The following PPME1 variants were observed in gnomAD, a reference collection of about 807,000 sequenced individuals.
PPME1 encodes the protein testicular secretory protein Li 39.
In PPME1, 17 loss-of-function variants were observed where a neutral mutation model predicts 56.9. The observed-to-expected ratio is 0.30, with a 90% CI of 0.20 to 0.45. The LOEUF (loss-of-function observed/expected upper bound fraction) is 0.45. PPME1 is among the 20% of genes least tolerant of loss of function. PPME1 has a pLI of 1.00. For synonymous variants in PPME1, 122 were observed against 156.2 expected, an observed-to-expected ratio of 0.78 and a Z score of 1.63; for missense variants, 357 against 483.2, an observed-to-expected ratio of 0.74 and a Z score of 2.45.
chr11:74,192,549 T>C (rs1466485152), intron 1 of PPME1, among the ~76,000 whole-genome samples: 2 of 152,114 alleles, frequency 1.3e-5, no homozygotes, highest in Non-Finnish European at 2.9e-5. Context: ...CAGAATGATA[T>C]GGTTTGGATG....
chr11:74,182,711 A>G (rs1312879695), intron 1 of PPME1, among the ~76,000 whole-genome samples: 1 of 152,154 alleles, frequency 6.6e-6, no homozygotes, highest in African/African-American at 2.4e-5. Context: ...GAACACCAAA[A>G]CCAGAATCAA....
At chr11:74,244,031 A>G (rs1271254078) in intron 9 of PPME1, among the ~76,000 whole-genome samples, 1 of 152,128 alleles carries the variant, frequency 6.6e-6, no homozygotes, top group Admixed American at 6.5e-5. Flanking sequence ...CATATATTAT[A>G]TGTCTTTTTG....
intron 8 of PPME1, among the ~76,000 whole-genome samples, chr11:74,237,275 C>CTTTTTTTGTTTTTTTTTTTTTT (rs1859215254): frequency 7.8e-6 from 1 of 128,032 alleles, no homozygotes; most frequent in African/African-American, 3.2e-5. Flanking sequence ...GTCTGGTTGT[C>CTTTTTTTGTTTTTTTTTTTTTT]TTTTTTTTTT....
At chr11:74,200,355 T>TC (rs1858121426) in intron 1 of PPME1, among the ~76,000 whole-genome samples, 2 of 120,062 alleles carry the variant, frequency 1.7e-5, no homozygotes, top group East Asian at 4.7e-4. Context: ...CAGTCATGTG[T>TC]TTTGTGTGTG....
intron 8 of PPME1, 45 bp from the exon 9 acceptor site, chr11:74,239,088 G>A: frequency 1.9e-6 from 3 of 1,559,494 alleles, no homozygotes; most frequent in East Asian, 2.2e-5. Flanking sequence ...GATAATTTGT[G>A]TATTGGAAAG....
intron 9 of PPME1, among the ~76,000 whole-genome samples, chr11:74,242,646 C>T (rs1190094401): frequency 6.6e-6 from 1 of 151,682 alleles, no homozygotes; most frequent in Admixed American, 6.6e-5. Context: ...TTTGGGAGGC[C>T]GAGGTGGGTG....
chr11:74,200,039 GT>G (rs1205721634), intron 1 of PPME1, among the ~76,000 whole-genome samples: 1 of 152,164 alleles, frequency 6.6e-6, no homozygotes, highest in African/African-American at 2.4e-5. Flanking sequence ...ACTTAAACTT[GT>G]TATGCTTTTG....
At chr11:74,182,516 CGCCTG>C (rs201907730) in intron 1 of PPME1, among the ~76,000 whole-genome samples, 2,809 of 152,014 alleles carry the variant, frequency 0.018, 44 homozygotes, top group Middle Eastern at 0.031. Context: ...TGTGCCACCA[CGCCTG>C]GCTAATTTTT....
intron 1 of PPME1, among the ~76,000 whole-genome samples, chr11:74,185,710 T>C (rs1352643714): frequency 6.6e-6 from 1 of 152,016 alleles, no homozygotes; most frequent in African/African-American, 2.4e-5. Flanking sequence ...TTATGTTGTT[T>C]TCCTGTTGGG....
intron 1 of PPME1, among the ~76,000 whole-genome samples, chr11:74,187,999 C>T (rs1417210659): frequency 2.0e-5 from 3 of 152,062 alleles, no homozygotes; most frequent in Non-Finnish European, 4.4e-5. Flanking sequence ...TGTTGCTTGC[C>T]GGCTTTAAAG....
chr11:74,242,976 A>T (rs920629466), intron 9 of PPME1, among the ~76,000 whole-genome samples: 1 of 151,744 alleles, frequency 6.6e-6, no homozygotes, highest in Non-Finnish European at 1.5e-5. Flanking sequence ...TGGGACTTGC[A>T]TTCAGTCAGA....
intron 1 of PPME1, among the ~76,000 whole-genome samples, chr11:74,182,671 T>C (rs191258539): frequency 5.1e-4 from 78 of 152,296 alleles, no homozygotes; most frequent in African/African-American, 1.8e-3. Flanking sequence ...GTAACAATTC[T>C]AACATGGTTC....
At chr11:74,207,657 C>T (rs1354840514) in intron 3 of PPME1, among the ~76,000 whole-genome samples, 2 of 152,312 alleles carry the variant, frequency 1.3e-5, no homozygotes, top group African/African-American at 4.8e-5. Context: ...TGTATGGCTT[C>T]TGTAGCCTTC....
intron 3 of PPME1, among the ~76,000 whole-genome samples, chr11:74,208,090 G>T (rs545083647): frequency 6.6e-6 from 1 of 152,138 alleles, no homozygotes. Flanking sequence ...GAAGCGGGCA[G>T]ATCACAAGGT....
intron 9 of PPME1, among the ~76,000 whole-genome samples, chr11:74,244,644 T>A (rs912677269): frequency 6.6e-6 from 1 of 152,138 alleles, no homozygotes; most frequent in South Asian, 2.1e-4. Flanking sequence ...ATTGTAGGAG[T>A]CCTTTATATA....
At chr11:74,197,530 C>T (rs73565829) in intron 1 of PPME1, among the ~76,000 whole-genome samples, 15,817 of 152,114 alleles carry the variant, frequency 0.1, 2,150 homozygotes, top group African/African-American at 0.32. Context: ...CTCATAATAA[C>T]GCCTATAAAA....
Position 74,173,338 on chromosome 11 carries a change from C to T in PPME1, c.101+1816C>T, listed in dbSNP as rs532460977. Among the ~76,000 whole-genome samples the T allele has an allele frequency of 3.3e-5, 5 of 152,090 alleles. No homozygotes were observed. In the South Asian group the frequency reaches 1.0e-3, roughly 32 times the overall value. On this transcript the variant is annotated intron_variant, in intron 1 of 13. Coordinates refer to ENST00000328257, the MANE Select transcript of PPME1 (RefSeq NM_016147.3). ...TTCAGTATACCAGCACCCTTCTATA[C>T]AAATACATAAGAAAATCAGATTTTT...
intron 1 of PPME1, among the ~76,000 whole-genome samples, chr11:74,174,428 C>T (rs1422032722): frequency 6.6e-6 from 1 of 152,200 alleles, no homozygotes; most frequent in African/African-American, 2.4e-5. Flanking sequence ...ACACCAATTT[C>T]AAAGCATTCT....
At chr11:74,251,224 C>G in intron 12 of PPME1, 1 of 1,406,732 alleles carries the variant, frequency 7.1e-7, no homozygotes, top group Non-Finnish European at 9.2e-7. Context: ...GAGCTACTGA[C>G]ACTCTGCTAT....
Sources: allele counts gnomAD v4.1 joint callset (sites outside exome capture counted in the v4.1 genomes callset), GRCh38; gene constraint gnomAD v4.1.1; transcripts MANE v1.5; gene names NCBI Gene and HGNC (gene_info 2026-07-23, HGNC 2026-07-21).